The following SPATA22 variants were observed in gnomAD, a reference collection of about 807,000 sequenced individuals.
The protein encoded by SPATA22 is spermatogenesis-associated protein 22.
SPATA22 carries 29 observed loss-of-function variants against 47.8 expected under a neutral mutation model. That is an observed-to-expected ratio of 0.61 (90% CI 0.45 to 0.83). The LOEUF (loss-of-function observed/expected upper bound fraction) is 0.83. SPATA22 is among the 40% of genes least tolerant of loss of function. The pLI, the probability that SPATA22 is intolerant of heterozygous loss-of-function variation, is 0.00. For missense variants in SPATA22, 410 were observed against 421.7 expected, an observed-to-expected ratio of 0.97 and a Z score of 0.24; for synonymous variants, 133 against 140.9, an observed-to-expected ratio of 0.94 and a Z score of 0.40.
At chr17:3,504,529 G>A (rs1469872104) in intron 1 of SPATA22, among the ~76,000 whole-genome samples, 3 of 143,642 alleles carry the variant, frequency 2.1e-5, no homozygotes, top group Non-Finnish European at 3.0e-5. Flanking sequence ...AAATCCATGG[G>A]AAAAAAAAAA....
chr17:3,459,688 G>A (rs2073082994), intron 5 of SPATA22, among the ~76,000 whole-genome samples: 1 of 152,202 alleles, frequency 6.6e-6, no homozygotes, highest in Non-Finnish European at 1.5e-5. Context: ...GATTACAGGT[G>A]TGAGCCACTG....
upstream of SPATA22, among the ~76,000 whole-genome samples, chr17:3,475,028 G>A (rs1243305825): frequency 6.6e-6 from 1 of 152,170 alleles, no homozygotes; most frequent in African/African-American, 2.4e-5. Flanking sequence ...AATAAACTGA[G>A]TGAAAGGACA....
At chr17:3,476,725 T>C (rs921162498), upstream of SPATA22, among the ~76,000 whole-genome samples, 2 of 152,224 alleles carry the variant, frequency 1.3e-5, no homozygotes, top group Non-Finnish European at 2.9e-5. Context: ...CTCCTTTGCA[T>C]TGAGTTAGTG....
chr17:3,440,382 T>A (rs1337168773), intron 8 of SPATA22, 44 bp from the exon 9 acceptor site: 1 of 1,451,992 alleles, frequency 6.9e-7, no homozygotes, highest in East Asian at 2.4e-5. Flanking sequence ...TATTACTTCA[T>A]CTGAATTTCA....
At chr17:3,486,966 T>C (rs2200728) in intron 1 of SPATA22, among the ~76,000 whole-genome samples, 2,210 of 152,214 alleles carry the variant, frequency 0.015, 28 homozygotes, top group Non-Finnish European at 0.024. Context: ...CAAATAACTT[T>C]CCTAAGTCTC....
At chr17:3,466,517 G>A (rs2073317958) in intron 3 of SPATA22, among the ~76,000 whole-genome samples, 2 of 152,110 alleles carry the variant, frequency 1.3e-5, no homozygotes, top group Non-Finnish European at 2.9e-5. Flanking sequence ...AGATCCAGAG[G>A]GCAGTCTACT....
At chr17:3,446,381 CTG>C (rs1404873789) in intron 7 of SPATA22, 89 bp downstream of exon 7, 52 of 1,308,440 alleles carry the variant, frequency 4.0e-5, no homozygotes, top group Non-Finnish European at 5.3e-5. Flanking sequence ...AAAAAGCAGA[CTG>C]TTTTATTTGG....
chr17:3,449,261 A>G (rs1212435000), intron 5 of SPATA22, 112 bp from the exon 6 acceptor site: 8 of 734,600 alleles, frequency 1.1e-5, no homozygotes, highest in Non-Finnish European at 1.7e-5. Context: ...AAAGCACTTT[A>G]TAACTAACTA....
intron 1 of SPATA22, among the ~76,000 whole-genome samples, chr17:3,505,480 C>T (rs1467498396): frequency 2.6e-5 from 4 of 151,986 alleles, no homozygotes; most frequent in Non-Finnish European, 5.9e-5. Context: ...CAAGGGTGAC[C>T]CCAAGATAGC....
At chr17:3,498,471 CTGAG>C (rs2073944794) in intron 1 of SPATA22, among the ~76,000 whole-genome samples, 2 of 152,194 alleles carry the variant, frequency 1.3e-5, no homozygotes, top group South Asian at 2.1e-4. Flanking sequence ...CCTCAGCCTC[CTGAG>C]TATCTGGGAC....
chr17:3,482,406 A>G (rs2073646135), intron 1 of SPATA22, among the ~76,000 whole-genome samples: 1 of 152,146 alleles, frequency 6.6e-6, no homozygotes, highest in African/African-American at 2.4e-5. Context: ...GAAAATAGCA[A>G]CCAACCAGAA....
upstream of SPATA22, chr17:3,476,155 G>A (rs2073518517): frequency 1.9e-6 from 3 of 1,611,758 alleles, no homozygotes; most frequent in Non-Finnish European, 2.5e-6. Flanking sequence ...AAACTACTTG[G>A]TGAAATGACT....
At chr17:3,473,645 C>G (rs2073480755), upstream of SPATA22, among the ~76,000 whole-genome samples, 1 of 152,128 alleles carries the variant, frequency 6.6e-6, no homozygotes, top group Non-Finnish European at 1.5e-5. Context: ...ATTACAGGCA[C>G]CCGCCACCAC....
rs980546691 is a variant in SPATA22 at position 3,471,433 on chromosome 17, C to G, written c.-74+249G>C. ...TGAGGGCGGGGACCCTCATTTACCC[C>G]CAATCCCAGCTCCCAAATGGACCTA... On this transcript the variant is annotated intron_variant, in intron 1 of 8. Transcript: ENST00000572969. The G allele has an allele frequency of 2.3e-5, 23 of 985,288 alleles. No individual in the cohort carries two copies. The East Asian group carries it at 6.8e-4, about 29-fold the overall frequency. 61.0% of individuals were successfully genotyped at this position (985,288 alleles called of 1,614,324 possible).
At chr17:3,500,525 C>G (rs1163422546) in intron 1 of SPATA22, 1 of 17,232 alleles carries the variant, frequency 5.8e-5, no homozygotes, top group Non-Finnish European at 2.5e-4. Context: ...TTTTTTGAGA[C>G]GGAGTCTTGC....
Position 3,494,527 on chromosome 17 carries a change from C to G in SPATA22, c.-74+18885G>C, listed in dbSNP as rs2073878536. The stretch of plus-strand genomic sequence containing the variant: ...TGTACCTTTGAATAGAAGTTTATAG[C>G]TCATACAGCACTTCGCGTACATTCG... On this transcript the variant is annotated intron_variant, in intron 1 of 8. Transcript: ENST00000541913. The G allele has an allele frequency of 4.6e-6, 6 of 1,307,674 alleles. No homozygotes were observed. In the East Asian group the frequency reaches 1.4e-4, roughly 30 times the overall value. 81.0% of individuals were successfully genotyped at this position (1,307,674 alleles called of 1,614,324 possible).
rs184635480 is a variant in SPATA22, at chr17:3,496,832, C to T, written c.-74+16580G>A. Among the ~76,000 whole-genome samples, 915 of 152,062 alleles carry T rather than the reference C, an allele frequency of 6.0e-3. 10 individuals carry two copies. The highest frequency in any genetic ancestry group is 0.021 in the African/African-American group (879 of 41,472). ...CTGTAATCCCAGCGCTTTGGGAGGCCGAGGCGGGCGGATCACGCGGTCAGG... is the reference window on the plus strand; with the variant it reads ...CTGTAATCCCAGCGCTTTGGGAGGCTGAGGCGGGCGGATCACGCGGTCAGG... On this transcript the variant is annotated intron_variant, in intron 1 of 8. Coordinates refer to the SPATA22 transcript ENST00000541913.
chr17:3,479,428 A>G (rs1288097212), intron 1 of SPATA22, among the ~76,000 whole-genome samples: 1 of 152,262 alleles, frequency 6.6e-6, no homozygotes, highest in East Asian at 1.9e-4. Flanking sequence ...TTTGCATACA[A>G]TAGGAACCTA....
chr17:3,463,909 T>TCCTCTCCGTCTCCCTCTC (rs2073194364), intron 3 of SPATA22, among the ~76,000 whole-genome samples: 1 of 89,760 alleles, frequency 1.1e-5, no homozygotes, highest in South Asian at 4.2e-4. Flanking sequence ...AAAACACTGA[T>TCCTCTCCGTCTCCCTCTC]CCTCTCCCTC....
Sources: allele counts gnomAD v4.1 joint callset (sites outside exome capture counted in the v4.1 genomes callset), GRCh38; gene constraint gnomAD v4.1.1; transcripts MANE v1.5; gene names NCBI Gene and HGNC (gene_info 2026-07-23, HGNC 2026-07-21).